The following P4HA2 variants were observed in gnomAD, a reference collection of about 807,000 sequenced individuals.
P4HA2 encodes the protein prolyl 4-hydroxylase subunit alpha 2.
In P4HA2, 46 loss-of-function variants were observed where a neutral mutation model predicts 76.9. The ratio of observed to expected loss-of-function variants is 0.60; its 90% CI spans 0.47 to 0.76. The LOEUF (loss-of-function observed/expected upper bound fraction) is 0.76. Among genes scored for constraint, P4HA2 ranks in the 30% least tolerant of loss-of-function variants. The pLI is 0.00. For synonymous variants in P4HA2, 243 were observed against 254.0 expected (o/e 0.96, Z 0.41); for missense variants, 583 against 669.4 (o/e 0.87, Z 1.42).
chr5:132,225,696 G>A (rs1021223244), intron 1 of P4HA2, among the ~76,000 whole-genome samples: 3 of 152,224 alleles, frequency 2.0e-5, no homozygotes, highest in Non-Finnish European at 4.4e-5. Context: ...CAAACAGGCA[G>A]AAGGCACTCA....
chr5:132,217,710 G>T, intron 3 of P4HA2, 42 bp downstream of exon 3: 1 of 1,199,200 alleles, frequency 8.3e-7, no homozygotes, highest in African/African-American at 1.5e-5. Flanking sequence ...AGGGGCAGAA[G>T]GGAAGGAAGG....
intron 1 of P4HA2, among the ~76,000 whole-genome samples, chr5:132,220,012 TG>T (rs1411391804): frequency 6.6e-6 from 1 of 152,172 alleles, no homozygotes. Flanking sequence ...AGTCTAGGTG[TG>T]GGGGTCCCAA....
At chr5:132,197,608 C>CAAAAAAA (rs555319735) in intron 12 of P4HA2, among the ~76,000 whole-genome samples, 12 of 55,132 alleles carry the variant, frequency 2.2e-4, no homozygotes, top group African/African-American at 5.4e-4. Context: ...ACTCCATCTC[C>CAAAAAAA]AAAAAAAAAA....
chr5:132,221,037 C>T (rs186660588), intron 1 of P4HA2, among the ~76,000 whole-genome samples: 45 of 152,336 alleles, frequency 3.0e-4, no homozygotes, highest in African/African-American at 9.1e-4. Context: ...AGGCTCTGTA[C>T]AAAAAGTCCT....
rs142631923 is a variant in P4HA2, at chr5:132,196,243, T to C, written c.1366-763A>G. 1.6e-3 allele frequency among the ~76,000 whole-genome samples: 242 copies of C among 152,316 alleles called. 2 individuals carry two copies. The highest frequency in any genetic ancestry group is 5.7e-3 in the African/African-American group (235 of 41,556). ...CACTGAAGGGTACTTGACAGACATA[T>C]GGTAAATGAATAAGACAAAAGCTCT... On this transcript the variant is annotated intron_variant, in intron 12 of 14. Transcript: ENST00000360568.
chr5:132,227,230 GAAA>G (rs1337884164), intron 1 of P4HA2: 1 of 152,256 alleles, frequency 6.6e-6, no homozygotes, highest in Non-Finnish European at 1.5e-5. Flanking sequence ...AGCTGCCAAG[GAAA>G]AACAACGCTG....
intron 1 of P4HA2, among the ~76,000 whole-genome samples, chr5:132,219,852 A>G (rs1331608236): frequency 6.6e-6 from 1 of 152,032 alleles, no homozygotes; most frequent in Non-Finnish European, 1.5e-5. Flanking sequence ...AGAAATCCTA[A>G]TCCATTGAGA....
At chr5:132,221,236 C>A (rs903141083) in intron 1 of P4HA2, among the ~76,000 whole-genome samples, 1 of 152,176 alleles carries the variant, frequency 6.6e-6, no homozygotes, top group Non-Finnish European at 1.5e-5. Flanking sequence ...CTCCCAGAAA[C>A]CCTCAGAATC....
chr5:132,227,586 C>G (rs1339447483), intron 1 of P4HA2: 1 of 152,508 alleles, frequency 6.6e-6, no homozygotes, highest in Non-Finnish European at 1.5e-5. Context: ...GCACAAGAAC[C>G]CAGACGGGTG....
chr5:132,212,382 A>G (rs566275707), intron 5 of P4HA2, among the ~76,000 whole-genome samples: 1 of 152,292 alleles, frequency 6.6e-6, no homozygotes, highest in South Asian at 2.1e-4. Context: ...TTGAGAAAAA[A>G]GTAGCTGTGA....
At chr5:132,224,779 G>A (rs1371390652) in intron 1 of P4HA2, among the ~76,000 whole-genome samples, 1 of 151,960 alleles carries the variant, frequency 6.6e-6, no homozygotes, top group Non-Finnish European at 1.5e-5. Context: ...CTCATTCCAG[G>A]CTCCTACAAG....
chr5:132,194,900 C>A, intron 14 of P4HA2, 26 bp downstream of exon 14: 3 of 1,531,606 alleles, frequency 2.0e-6, no homozygotes, highest in Non-Finnish European at 9.1e-7. Context: ...GCCACCAACA[C>A]CAACACTACC....
chr5:132,208,301 AAGGAAAAAGAGGAAAC>A (rs1390370552), intron 7 of P4HA2, among the ~76,000 whole-genome samples: 1 of 143,240 alleles, frequency 7.0e-6, no homozygotes, highest in Non-Finnish European at 1.5e-5. Context: ...AAGAAAAGAA[AAGGAAAAAGAGGAAAC>A]AGGAAAAAGA....
chr5:132,209,470 G>A (rs1194223498), intron 6 of P4HA2, 139 bp from the exon 7 acceptor site: 11 of 740,862 alleles, frequency 1.5e-5, no homozygotes, highest in Non-Finnish European at 2.4e-5. Flanking sequence ...TCTAACCAGA[G>A]TACGCTGGTC....
At chr5:132,198,956 C>T in intron 10 of P4HA2, 24 bp from the exon 11 acceptor site, 1 of 1,557,016 alleles carries the variant, frequency 6.4e-7, no homozygotes, top group Non-Finnish European at 8.9e-7. Context: ...CAGCATTAGA[C>T]CTTGTAAGCA....
intron 5 of P4HA2, among the ~76,000 whole-genome samples, chr5:132,211,861 G>C (rs578060654): frequency 6.6e-6 from 1 of 152,286 alleles, no homozygotes; most frequent in East Asian, 1.9e-4. Context: ...CAATTTTAAA[G>C]AGCTTGTGGC....
In P4HA2 at chr5:132,195,475, A is replaced by C. The variant is rs1455252819; in HGVS notation, c.1371T>G (p.Ser457Arg). 6.2e-7 allele frequency: 1 copy of C among 1,612,112 alleles called. No individual in the cohort carries two copies. The highest frequency in any genetic ancestry group is 8.5e-7 in the Non-Finnish European group (1 of 1,178,252). ...NRLATFLNYM[S>R]DVEAGGATVF... is the part of the protein sequence containing the mutation. Reference sequence around the variant, plus strand: ...CGGTGGCACCACCAGCTTCTACATCACTCATCTGGAAATATAAGACATAGA... The same window carrying C: ...CGGTGGCACCACCAGCTTCTACATCCCTCATCTGGAAATATAAGACATAGA... Residue 457 changes from serine (S) to arginine (R), a missense_variant, in exon 13 of 15, where the codon AGT becomes AGG. Transcript: ENST00000360568.
At position 132,191,067 on chromosome 5, in the gene P4HA2, GT is replaced by G. The variant is rs1170549333; in HGVS notation, c.*1942del. ...GTTTGTTTCTGGTAAGGGCCCCCTG[GT>G]TCATAGACAGGCATCTTCTTGCTGT... is the stretch of plus-strand genomic sequence containing the variant. On this transcript the variant is annotated 3_prime_UTR_variant, in exon 15 of 15. Coordinates refer to ENST00000360568, the MANE Select transcript of P4HA2 (RefSeq NM_001017974.2). Among the ~76,000 whole-genome samples, 1 of 152,208 alleles carries G rather than the reference GT, an allele frequency of 6.6e-6. No individual in the cohort carries two copies. The highest frequency in any genetic ancestry group is 2.4e-5 in the African/African-American group (1 of 41,456).
rs749410771 is a variant in P4HA2 at position 132,192,960 on chromosome 5, C to CA, written c.*49dup. The stretch of plus-strand genomic sequence containing the variant: ...CAAAGGAACATACAAAGGTGTCTGT[C>CA]ACGTTGACATGGGCTGAAGGACCAG... On this transcript the variant is annotated 3_prime_UTR_variant, in exon 15 of 15. Transcript: ENST00000360568. 2.1e-5 allele frequency: 24 copies of CA among 1,165,100 alleles called. No homozygotes were observed. Among genetic ancestry groups the CA allele is most frequent in the Non-Finnish European group, 2.7e-5 (21 of 770,298 alleles). 72.2% of individuals were successfully genotyped at this position (1,165,100 alleles called of 1,614,324 possible).
Sources: gnomAD v4.1 joint callset for allele counts (sites outside exome capture counted in the v4.1 genomes callset) on GRCh38, gnomAD v4.1.1 for gene constraint, MANE v1.5 for transcripts, NCBI Gene and HGNC (gene_info 2026-07-23, HGNC 2026-07-21) for gene names.